Variants in NDUFAF2 observed in about 807,000 individuals in gnomAD.
NDUFAF2 encodes NADH:ubiquinone oxidoreductase complex assembly factor 2, also known as NADH dehydrogenase [ubiquinone] 1 alpha subcomplex assembly factor 2.
In NDUFAF2, 13 loss-of-function variants were observed where a neutral mutation model predicts 22.8. The ratio of observed to expected loss-of-function variants is 0.57; its 90% CI spans 0.37 to 0.91. NDUFAF2 has a LOEUF of 0.91. Ranked by LOEUF, NDUFAF2 falls within the 40% of genes least tolerant of loss-of-function variation. The pLI, the probability that NDUFAF2 is intolerant of heterozygous loss-of-function variation, is 0.01. For synonymous variants in NDUFAF2, 53 were observed against 64.2 expected, an observed-to-expected ratio of 0.83 and a Z score of 0.84; for missense variants, 162 against 195.2, an observed-to-expected ratio of 0.83 and a Z score of 1.01.
chr5:61,014,939 G>C (rs1254227042), intron 1 of NDUFAF2, among the ~76,000 whole-genome samples: 1 of 152,044 alleles, frequency 6.6e-6, no homozygotes, highest in South Asian at 2.1e-4. Context: ...CTATATATAG[G>C]GAGAAGAGAA....
At chr5:61,037,013 G>A (rs937840672) in intron 1 of NDUFAF2, among the ~76,000 whole-genome samples, 89 of 152,254 alleles carry the variant, frequency 5.8e-4, no homozygotes, top group African/African-American at 2.0e-3. Flanking sequence ...TATTTGGCCA[G>A]TATTATTGAG....
chr5:61,045,053 A>T (rs1243229534), intron 1 of NDUFAF2, among the ~76,000 whole-genome samples: 5 of 62,518 alleles, frequency 8.0e-5, no homozygotes, highest in Non-Finnish European at 1.3e-4. Flanking sequence ...ACATTTTAAT[A>T]AAGTAAAATA....
At chr5:60,997,492 ATGC>A (rs1486943542) in intron 1 of NDUFAF2, among the ~76,000 whole-genome samples, 2 of 152,208 alleles carry the variant, frequency 1.3e-5, no homozygotes, top group African/African-American at 4.8e-5. Context: ...TATGATAAAG[ATGC>A]TGCTAACGAT....
chr5:61,049,834 ACACACATACAC>A (rs1752000925), intron 1 of NDUFAF2, among the ~76,000 whole-genome samples: 1 of 151,762 alleles, frequency 6.6e-6, no homozygotes, highest in African/African-American at 2.4e-5. Context: ...ATATATAAAT[ACACACATACAC>A]AATGAAAATT....
chr5:60,980,487 G>A (rs1750962330), intron 1 of NDUFAF2, among the ~76,000 whole-genome samples: 1 of 152,084 alleles, frequency 6.6e-6, no homozygotes, highest in Admixed American at 6.6e-5. Context: ...AAAAGATCAA[G>A]CAGGGCAGGT....
At chr5:61,089,880 G>C (rs759493809) in intron 2 of NDUFAF2, among the ~76,000 whole-genome samples, 4 of 151,382 alleles carry the variant, frequency 2.6e-5, no homozygotes, top group African/African-American at 4.8e-5. Flanking sequence ...AACTACTTTG[G>C]AATTTTTTTA....
At chr5:61,021,120 G>A (rs1394936823) in intron 1 of NDUFAF2, among the ~76,000 whole-genome samples, 1 of 150,892 alleles carries the variant, frequency 6.6e-6, no homozygotes, top group African/African-American at 2.4e-5. Context: ...TCCTATTGCT[G>A]CTGTCAGAAA....
At chr5:61,067,827 T>C (rs910869910) in intron 1 of NDUFAF2, among the ~76,000 whole-genome samples, 1 of 152,068 alleles carries the variant, frequency 6.6e-6, no homozygotes, top group Non-Finnish European at 1.5e-5. Flanking sequence ...ACCTGTTGTT[T>C]CCTGACTTTT....
intron 1 of NDUFAF2, among the ~76,000 whole-genome samples, chr5:60,972,394 T>A (rs1013511292): frequency 3.9e-5 from 6 of 152,150 alleles, no homozygotes; most frequent in African/African-American, 1.4e-4. Flanking sequence ...TCCCCAATCC[T>A]GCTCTTGTGG....
At position 61,103,251 on chromosome 5, in the gene NDUFAF2, C is replaced by A. The variant is rs181081337; in HGVS notation, c.258+4219C>A. ...CCTTAGGCTACCCTACTCTTCTGTACCCTACTCTACCCTACTCTTCAAGGA... is the reference window on the plus strand; with the variant it reads ...CCTTAGGCTACCCTACTCTTCTGTAACCTACTCTACCCTACTCTTCAAGGA... On this transcript the variant is annotated intron_variant, in intron 3 of 3. Transcript: ENST00000296597. Among the ~76,000 whole-genome samples the A allele has an allele frequency of 3.9e-5, 6 of 152,178 alleles. No homozygotes were observed. The East Asian group carries it at 1.2e-3, about 29-fold the overall frequency.
At chr5:61,077,494 G>T (rs1284154005) in intron 2 of NDUFAF2, among the ~76,000 whole-genome samples, 1 of 152,186 alleles carries the variant, frequency 6.6e-6, no homozygotes, top group Non-Finnish European at 1.5e-5. Context: ...AGAAAAAGAA[G>T]TATAGCAAGA....
At chr5:61,031,202 A>C (rs1477515817) in intron 1 of NDUFAF2, among the ~76,000 whole-genome samples, 2 of 152,074 alleles carry the variant, frequency 1.3e-5, no homozygotes, top group East Asian at 1.9e-4. Flanking sequence ...TTTGGGATAC[A>C]TGTGCAGAAC....
chr5:61,067,242 A>T (rs982699012), intron 1 of NDUFAF2, among the ~76,000 whole-genome samples: 12 of 151,852 alleles, frequency 7.9e-5, no homozygotes, highest in African/African-American at 2.7e-4. Context: ...ATGTGCCATG[A>T]TGGTGTGCTG....
At chr5:61,150,041 T>A (rs754797181) in intron 3 of NDUFAF2, among the ~76,000 whole-genome samples, 3 of 152,206 alleles carry the variant, frequency 2.0e-5, no homozygotes, top group Non-Finnish European at 4.4e-5. Context: ...GTGATTCTCC[T>A]GCCTCTCAGC....
chr5:61,014,462 A>G (rs1394115165), intron 1 of NDUFAF2, among the ~76,000 whole-genome samples: 1 of 152,172 alleles, frequency 6.6e-6, no homozygotes, highest in Non-Finnish European at 1.5e-5. Flanking sequence ...GGTAGTGAAT[A>G]AATTGTCTTC....
rs144850054 is a variant in NDUFAF2 at position 61,056,889 on chromosome 5, CAAAAAAAAAAAA to C, written c.128-16216_128-16205del. On this transcript the variant is annotated intron_variant, in intron 1 of 3. Coordinates refer to ENST00000296597, the MANE Select transcript of NDUFAF2 (RefSeq NM_174889.5). The stretch of plus-strand genomic sequence containing the variant: ...GGGCAACAGAACGACACTCTGTCTC[CAAAAAAAAAAAA>C]AAAAAAAAAAAAAAAAAAATATATA... Among the ~76,000 whole-genome samples, 29 of 46,778 alleles carry C rather than the reference CAAAAAAAAAAAA, an allele frequency of 6.2e-4. 1 individual carries two copies. The highest frequency in any genetic ancestry group is 1.2e-3 in the South Asian group (1 of 826). 30.7% of individuals were successfully genotyped at this position (46,778 alleles called of 152,430 possible).
chr5:61,152,671 TTAA>T, intron 3 of NDUFAF2, 30 bp from the exon 4 acceptor site: 1 of 1,418,092 alleles, frequency 7.1e-7, no homozygotes, highest in Non-Finnish European at 9.4e-7. Flanking sequence ...AACTAGAAAT[TTAA>T]TAATTTCTTC....
At chr5:60,948,395 G>T (rs1174191817) in intron 1 of NDUFAF2, among the ~76,000 whole-genome samples, 3 of 152,024 alleles carry the variant, frequency 2.0e-5, no homozygotes, top group Non-Finnish European at 4.4e-5. Context: ...TGTATCTTTA[G>T]TAGAGACGGG....
intron 3 of NDUFAF2, among the ~76,000 whole-genome samples, chr5:61,142,577 T>A (rs1741074998): frequency 1.3e-5 from 2 of 152,246 alleles, no homozygotes. Flanking sequence ...CAAAGGATGT[T>A]TGCAATAGAT....
Sources: allele counts gnomAD v4.1 joint callset (sites outside exome capture counted in the v4.1 genomes callset), GRCh38; gene constraint gnomAD v4.1.1; transcripts MANE v1.5; gene names NCBI Gene and HGNC (gene_info 2026-07-23, HGNC 2026-07-21).